Variants in LPP observed in about 807,000 individuals in gnomAD.
LPP encodes lipoma-preferred partner.
In LPP, 38 loss-of-function variants were observed where a neutral mutation model predicts 60.4. The observed-to-expected ratio is 0.63, with a 90% CI of 0.49 to 0.83. The LOEUF is 0.83. Ranked by LOEUF, LPP falls within the 40% of genes least tolerant of loss-of-function variation. The probability of loss-of-function intolerance (pLI) is 0.00; values close to 1 mark genes in which losing one functional copy is unlikely to be tolerated. For synonymous variants in LPP, 328 were observed against 290.8 expected (o/e 1.13, Z -1.30); for missense variants, 902 against 783.6 (o/e 1.15, Z -1.80).
rs531895899 is a variant in LPP at position 188,302,272 on chromosome 3, A to G, written c.-66-39391A>G. On this transcript the variant is annotated intron_variant, in intron 2 of 11. Transcript: ENST00000617246. Reference sequence around the variant, plus strand: ...GAGGCTAAATGATTTGCCTAAGTTTACATGATTAATGAGTGCCACAGTTTT... The same window carrying G: ...GAGGCTAAATGATTTGCCTAAGTTTGCATGATTAATGAGTGCCACAGTTTT... Among the ~76,000 whole-genome samples, 3 of 152,358 alleles carry G rather than the reference A, an allele frequency of 2.0e-5. No individual in the cohort carries two copies. The East Asian group carries it at 5.8e-4, about 29-fold the overall frequency.
At chr3:188,826,366 A>G (rs1308130484) in intron 9 of LPP, among the ~76,000 whole-genome samples, 3 of 152,206 alleles carry the variant, frequency 2.0e-5, no homozygotes, top group Non-Finnish European at 4.4e-5. Context: ...AGCTTTCAGC[A>G]GTAAATAGTT....
At chr3:188,360,570 T>C (rs1439789235) in intron 3 of LPP, among the ~76,000 whole-genome samples, 1 of 152,142 alleles carries the variant, frequency 6.6e-6, no homozygotes, top group Non-Finnish European at 1.5e-5. Flanking sequence ...CTGCCCAGGC[T>C]GGTCTTGAAT....
At chr3:188,171,220 G>GA (rs1721496528) in intron 1 of LPP, among the ~76,000 whole-genome samples, 1 of 152,210 alleles carries the variant, frequency 6.6e-6, no homozygotes, top group African/African-American at 2.4e-5. Context: ...TGGATTGCTT[G>GA]ATCCTCCATG....
chr3:188,828,962 T>C (rs1377739328), intron 9 of LPP, among the ~76,000 whole-genome samples: 1 of 152,200 alleles, frequency 6.6e-6, no homozygotes, highest in Non-Finnish European at 1.5e-5. Flanking sequence ...TACATGCTTC[T>C]CAAAATATCT....
At chr3:188,510,613 A>G (rs1388114598) in intron 5 of LPP, among the ~76,000 whole-genome samples, 3 of 152,174 alleles carry the variant, frequency 2.0e-5, no homozygotes, top group Non-Finnish European at 4.4e-5. Flanking sequence ...TTTAGATATC[A>G]GCACCTTGGG....
intron 2 of LPP, among the ~76,000 whole-genome samples, chr3:188,320,353 G>A (rs951471592): frequency 6.6e-6 from 1 of 152,168 alleles, no homozygotes; most frequent in African/African-American, 2.4e-5. Context: ...AGGACCTGAC[G>A]ACAATGTTGC....
intron 8 of LPP, among the ~76,000 whole-genome samples, chr3:188,749,379 C>T (rs1309320773): frequency 1.3e-5 from 2 of 152,166 alleles, no homozygotes; most frequent in African/African-American, 4.8e-5. Flanking sequence ...GTTATAGAGT[C>T]TGTAAATGAA....
At chr3:188,775,066 T>TC (rs1188256616) in intron 9 of LPP, among the ~76,000 whole-genome samples, 1 of 151,620 alleles carries the variant, frequency 6.6e-6, no homozygotes, top group Non-Finnish European at 1.5e-5. Context: ...TTTTTTTTTT[T>TC]TTTTTAGACA....
intron 4 of LPP, among the ~76,000 whole-genome samples, chr3:188,458,849 G>A (rs1426259): frequency 0.58 from 86,930 of 150,968 alleles, 25,497 homozygotes; most frequent in African/African-American, 0.68. Context: ...GTTTTTTTTC[G>A]TGGCCGATTT....
chr3:188,546,461 C>G (rs963666940), intron 6 of LPP, among the ~76,000 whole-genome samples: 1 of 152,036 alleles, frequency 6.6e-6, no homozygotes, highest in Non-Finnish European at 1.5e-5. Flanking sequence ...CTGAGCTTGT[C>G]CCTAAGTGCT....
At chr3:188,291,264 A>T (rs998718326) in intron 2 of LPP, among the ~76,000 whole-genome samples, 3 of 152,090 alleles carry the variant, frequency 2.0e-5, no homozygotes, top group African/African-American at 7.2e-5. Flanking sequence ...GGTAGTGTTG[A>T]TTTTGAGATG....
At chr3:188,497,091 T>C (rs1810457061) in intron 5 of LPP, among the ~76,000 whole-genome samples, 2 of 152,148 alleles carry the variant, frequency 1.3e-5, no homozygotes, top group Non-Finnish European at 2.9e-5. Flanking sequence ...GTGGTTTTTT[T>C]TGAAATAAAA....
chr3:188,822,531 A>G (rs1188629515), intron 9 of LPP, among the ~76,000 whole-genome samples: 2 of 152,156 alleles, frequency 1.3e-5, no homozygotes, highest in African/African-American at 4.8e-5. Flanking sequence ...GGGGAAGTAT[A>G]CGATTAAGTT....
chr3:188,434,700 G>A (rs999090847), intron 4 of LPP, among the ~76,000 whole-genome samples: 2 of 152,224 alleles, frequency 1.3e-5, no homozygotes, highest in Admixed American at 6.5e-5. Context: ...GCCACAGTGT[G>A]TTCAAGAAGC....
intron 7 of LPP, among the ~76,000 whole-genome samples, chr3:188,634,467 C>T (rs1207156781): frequency 2.6e-5 from 4 of 152,188 alleles, no homozygotes; most frequent in African/African-American, 9.7e-5. Context: ...GGGCCATGGA[C>T]CTCTACCAGT....
chr3:188,407,113 T>C (rs1011775784), intron 4 of LPP, among the ~76,000 whole-genome samples: 7 of 151,846 alleles, frequency 4.6e-5, no homozygotes, highest in African/African-American at 1.7e-4. Context: ...ATTAGACTTC[T>C]AGGAGCTGAG....
At chr3:188,454,324 G>A (rs1797255249) in intron 4 of LPP, among the ~76,000 whole-genome samples, 1 of 152,076 alleles carries the variant, frequency 6.6e-6, no homozygotes, top group Admixed American at 6.5e-5. Flanking sequence ...TGAGAAGTGT[G>A]GTCTATGATA....
At chr3:188,417,003 G>T (rs1786473113) in intron 4 of LPP, among the ~76,000 whole-genome samples, 1 of 151,844 alleles carries the variant, frequency 6.6e-6, no homozygotes, top group Non-Finnish European at 1.5e-5. Context: ...TTAACCTAAA[G>T]AACTTAAAAA....
At chr3:188,771,086 CTGTAGAATTCATTAATTCTATTATAT>C (rs1296564799) in intron 9 of LPP, among the ~76,000 whole-genome samples, 12 of 152,182 alleles carry the variant, frequency 7.9e-5, no homozygotes, top group African/African-American at 2.6e-4. Flanking sequence ...CACTATTATA[CTGTAGAATTCATTAATTCTATTATAT>C]TGTAGAATTC....
Sources: allele counts gnomAD v4.1 joint callset (sites outside exome capture counted in the v4.1 genomes callset), GRCh38; gene constraint gnomAD v4.1.1; transcripts MANE v1.5; gene names NCBI Gene and HGNC (gene_info 2026-07-23, HGNC 2026-07-21).